Variants in ENTHD1 observed in about 807,000 individuals in gnomAD.
ENTHD1 encodes ENTH domain-containing protein 1.
In ENTHD1, 23 loss-of-function variants were observed where a neutral mutation model predicts 39.1. That is an observed-to-expected ratio of 0.59 (90% confidence interval 0.42 to 0.83). The LOEUF is 0.83. Ranked by LOEUF, ENTHD1 falls within the 40% of genes least tolerant of loss-of-function variation. ENTHD1 has a pLI of 0.00. For synonymous variants in ENTHD1, 230 were observed against 258.2 expected (o/e 0.89, Z 1.05); for missense variants, 624 against 705.4 (o/e 0.88, Z 1.31).
chr22:39,776,226 G>A (rs1451906060), intron 5 of ENTHD1, among the ~76,000 whole-genome samples: 1 of 152,214 alleles, frequency 6.6e-6, no homozygotes, highest in East Asian at 1.9e-4. Context: ...ACACAAACAT[G>A]TAAATGTATA....
At chr22:39,833,656 A>G (rs1191042093) in intron 4 of ENTHD1, among the ~76,000 whole-genome samples, 1 of 151,974 alleles carries the variant, frequency 6.6e-6, no homozygotes, top group African/African-American at 2.4e-5. Flanking sequence ...GAAAAAAGAA[A>G]ACAAATAGAA....
intron 2 of ENTHD1, among the ~76,000 whole-genome samples, chr22:39,881,707 T>C (rs1246869701): frequency 6.6e-6 from 1 of 152,032 alleles, no homozygotes; most frequent in Non-Finnish European, 1.5e-5. Flanking sequence ...AGAAGCGCTA[T>C]GGGGAAAAAC....
chr22:39,766,181 C>T (rs925697542), intron 5 of ENTHD1, among the ~76,000 whole-genome samples: 2 of 152,042 alleles, frequency 1.3e-5, no homozygotes, highest in East Asian at 1.9e-4. Context: ...TTTGTCTATA[C>T]GGAAGAAAGG....
chr22:39,762,690 C>G, intron 6 of ENTHD1, among the ~76,000 whole-genome samples: 1 of 152,100 alleles, frequency 6.6e-6, no homozygotes, highest in African/African-American at 2.4e-5. Flanking sequence ...AGCCTCAAAG[C>G]ATTCTCCCTG....
chr22:39,788,676 T>G (rs2065479165), intron 5 of ENTHD1, among the ~76,000 whole-genome samples: 1 of 152,138 alleles, frequency 6.6e-6, no homozygotes, highest in Non-Finnish European at 1.5e-5. Flanking sequence ...CAAACAGCAT[T>G]GCATGCTACA....
chr22:39,812,649 C>A (rs565775934), intron 5 of ENTHD1, among the ~76,000 whole-genome samples: 1 of 152,314 alleles, frequency 6.6e-6, no homozygotes, highest in African/African-American at 2.4e-5. Context: ...CATGACTGCT[C>A]CTCACCAAGG....
chr22:39,847,554 G>T (rs1346939976), intron 3 of ENTHD1, among the ~76,000 whole-genome samples: 2 of 151,280 alleles, frequency 1.3e-5, no homozygotes, highest in Non-Finnish European at 2.9e-5. Flanking sequence ...AAAGTCAGCT[G>T]ATTAGCAAAC....
chr22:39,805,804 T>G (rs2065635902), intron 5 of ENTHD1, among the ~76,000 whole-genome samples: 1 of 152,130 alleles, frequency 6.6e-6, no homozygotes, highest in South Asian at 2.1e-4. Flanking sequence ...GATTTTGGTT[T>G]GTTTGTTTTT....
intron 6 of ENTHD1, 134 bp downstream of exon 6, chr22:39,765,089 A>T: frequency 7.3e-7 from 1 of 1,372,644 alleles, no homozygotes; most frequent in Non-Finnish European, 9.6e-7. Flanking sequence ...ACATTTTAAT[A>T]TCAATGATGA....
chr22:39,849,250 G>A (rs761545360), intron 3 of ENTHD1, among the ~76,000 whole-genome samples: 2 of 152,058 alleles, frequency 1.3e-5, no homozygotes, highest in Non-Finnish European at 2.9e-5. Flanking sequence ...TTTGGATTTC[G>A]ATTGTAACTG....
chr22:39,869,110 C>T (rs1271288790), intron 2 of ENTHD1, among the ~76,000 whole-genome samples: 2 of 152,158 alleles, frequency 1.3e-5, no homozygotes, highest in Admixed American at 6.5e-5. Context: ...AATCCCATTA[C>T]TAGGTATATA....
chr22:39,812,113 T>G (rs1014601807), intron 5 of ENTHD1, among the ~76,000 whole-genome samples: 3 of 151,954 alleles, frequency 2.0e-5, no homozygotes, highest in African/African-American at 7.3e-5. Context: ...ACTCTTTCAC[T>G]GCCTCTTCCT....
chr22:39,762,621 T>G (rs942125290), intron 6 of ENTHD1, among the ~76,000 whole-genome samples: 2 of 152,034 alleles, frequency 1.3e-5, no homozygotes, highest in African/African-American at 2.4e-5. Flanking sequence ...CTGGCTAATA[T>G]GTATATTTTT....
At chr22:39,794,672 C>T (rs2065532627) in intron 5 of ENTHD1, among the ~76,000 whole-genome samples, 1 of 152,002 alleles carries the variant, frequency 6.6e-6, no homozygotes, top group African/African-American at 2.4e-5. Flanking sequence ...GGTGTGGTGG[C>T]ACATGCCTGT....
intron 5 of ENTHD1, among the ~76,000 whole-genome samples, chr22:39,813,991 C>T (rs567247197): frequency 5.9e-5 from 9 of 151,736 alleles, no homozygotes; most frequent in Admixed American, 1.3e-4. Context: ...CTAAACCTAA[C>T]GAAAGATATA....
chr22:39,765,189 T>C (rs748926595), intron 6 of ENTHD1, 34 bp downstream of exon 6: 3 of 1,534,134 alleles, frequency 2.0e-6, no homozygotes, highest in Non-Finnish European at 2.6e-6. Flanking sequence ...TGTGTGTGTG[T>C]GTGTGTGTGT....
intron 5 of ENTHD1, among the ~76,000 whole-genome samples, chr22:39,807,943 G>A (rs2065657101): frequency 6.6e-6 from 1 of 151,470 alleles, no homozygotes; most frequent in Admixed American, 6.6e-5. Context: ...GACATAAAAG[G>A]CATTTCTGAC....
chr22:39,881,777 A>G (rs942600347), intron 2 of ENTHD1, among the ~76,000 whole-genome samples: 17 of 152,302 alleles, frequency 1.1e-4, no homozygotes, highest in South Asian at 2.1e-4. Flanking sequence ...CTTTTTTATA[A>G]CTAGGGTAGA....
chr22:39,880,753 T>C (rs2066330433), intron 2 of ENTHD1, among the ~76,000 whole-genome samples: 1 of 152,234 alleles, frequency 6.6e-6, no homozygotes, highest in Non-Finnish European at 1.5e-5. Flanking sequence ...TCCATCCTGC[T>C]ATATGTAACT....
Sources: gnomAD v4.1 joint callset for allele counts (sites outside exome capture counted in the v4.1 genomes callset) on GRCh38, gnomAD v4.1.1 for gene constraint, MANE v1.5 for transcripts, NCBI Gene and HGNC (gene_info 2026-07-23, HGNC 2026-07-21) for gene names.